Variants in NAV2 observed in about 807,000 individuals in gnomAD.
The protein encoded by NAV2 is neuron navigator 2.
A neutral mutation model predicts 223.2 loss-of-function variants in NAV2; 54 were observed. The ratio of observed to expected loss-of-function variants is 0.24; its 90% CI spans 0.19 to 0.30. The LOEUF (loss-of-function observed/expected upper bound fraction) is 0.30, where lower values mean the gene tolerates loss of function less well. NAV2 is among the 10% of genes least tolerant of loss of function. The pLI is 1.00. For synonymous variants in NAV2, 1,279 were observed against 1,239.3 expected, an observed-to-expected ratio of 1.03 and a Z score of -0.67; for missense variants, 2,806 against 3,147.5, an observed-to-expected ratio of 0.89 and a Z score of 2.60.
intron 6 of NAV2, among the ~76,000 whole-genome samples, chr11:19,906,522 G>T (rs1294268249): frequency 6.6e-6 from 1 of 152,152 alleles, no homozygotes; most frequent in Non-Finnish European, 1.5e-5. Context: ...CAGTTGTCAA[G>T]GTAATAGTCT....
At chr11:20,062,261 C>T (rs1431565959) in intron 19 of NAV2, 46 bp from the exon 20 acceptor site, 1 of 1,469,176 alleles carries the variant, frequency 6.8e-7, no homozygotes, top group Non-Finnish European at 9.4e-7. Flanking sequence ...CTTTTTGGTT[C>T]CATAACAGCC....
chr11:19,569,003 G>A (rs1358353059), intron 1 of NAV2, among the ~76,000 whole-genome samples: 3 of 152,196 alleles, frequency 2.0e-5, no homozygotes, highest in Non-Finnish European at 4.4e-5. Flanking sequence ...CAGAATGCTT[G>A]GGCCCAGCAC....
chr11:19,466,504 T>C (rs994858841), intron 1 of NAV2, among the ~76,000 whole-genome samples: 1 of 152,240 alleles, frequency 6.6e-6, no homozygotes, highest in Non-Finnish European at 1.5e-5. Flanking sequence ...TGAGCCTTTC[T>C]TGGAAATTGT....
intron 1 of NAV2, among the ~76,000 whole-genome samples, chr11:19,516,933 G>A (rs2043471925): frequency 6.6e-6 from 1 of 152,084 alleles, no homozygotes; most frequent in Non-Finnish European, 1.5e-5. Context: ...ATTTCACCTG[G>A]GCATGGTGGC....
At chr11:20,044,880 C>T in intron 13 of NAV2, 88 bp from the exon 14 acceptor site, 1 of 1,103,460 alleles carries the variant, frequency 9.1e-7, no homozygotes, top group Non-Finnish European at 1.3e-6. Context: ...AGTGAACCAG[C>T]TCTTCAGAGG....
chr11:19,771,981 G>C (rs1368725726), intron 1 of NAV2, among the ~76,000 whole-genome samples: 1 of 152,166 alleles, frequency 6.6e-6, no homozygotes, highest in Non-Finnish European at 1.5e-5. Context: ...GTGGAGGGGA[G>C]ACGGCACCTC....
chr11:20,011,032 G>A (rs61877357), intron 11 of NAV2, among the ~76,000 whole-genome samples: 169 of 152,114 alleles, frequency 1.1e-3, no homozygotes, highest in Non-Finnish European at 2.2e-3. Context: ...CTTCCTCTCC[G>A]CAGGCCTGCC....
chr11:19,976,193 A>C (rs1467565331), intron 10 of NAV2, among the ~76,000 whole-genome samples: 1 of 152,112 alleles, frequency 6.6e-6, no homozygotes, highest in Non-Finnish European at 1.5e-5. Context: ...TGTGCACACA[A>C]ATCACCTGGG....
rs60729237 is a variant in NAV2 at position 19,977,898 on chromosome 11, G to C, written c.2646-6227G>C. On this transcript the variant is annotated intron_variant, in intron 10 of 37. Coordinates refer to ENST00000349880, the MANE Select transcript of NAV2 (RefSeq NM_145117.5). Reference sequence around the variant, plus strand: ...CGGCTCACTGCAACCTCTGCCTCCCGGGTTCAAGCAATTCTCCTGCTTCAG... The same window carrying C: ...CGGCTCACTGCAACCTCTGCCTCCCCGGTTCAAGCAATTCTCCTGCTTCAG... Among the ~76,000 whole-genome samples the C allele has an allele frequency of 5.4e-3, 802 of 148,134 alleles. 6 individuals carry two copies. Among genetic ancestry groups the C allele is most frequent in the African/African-American group, 0.019 (765 of 39,970 alleles).
At position 19,977,798 on chromosome 11, in the gene NAV2, C is replaced by CTTT. The variant is rs1221334182; in HGVS notation, c.2646-6306_2646-6304dup. 2.5e-3 allele frequency among the ~76,000 whole-genome samples: 231 copies of CTTT among 90,744 alleles called. 1 individual carries two copies. Among genetic ancestry groups the CTTT allele is most frequent in the African/African-American group, 4.5e-3 (108 of 23,974 alleles). The allele number at this position is 90,744 out of a possible 152,430, so 59.5% of individuals were successfully genotyped here. A position where few individuals can be genotyped will look rare whatever the true frequency, so the allele number is the denominator to read the frequency against. On this transcript the variant is annotated intron_variant, in intron 10 of 37. Coordinates refer to ENST00000349880, the MANE Select transcript of NAV2 (RefSeq NM_145117.5). Reference sequence around the variant, plus strand: ...TCTTTTCAGAGAGGTCAACTTTTTTCTTTTTTTTTTTTTTTTTTTTTTTGA... The same window carrying CTTT: ...TCTTTTCAGAGAGGTCAACTTTTTTCTTTTTTTTTTTTTTTTTTTTTTTTTTGA...
chr11:20,100,173 A>T (rs916830990), intron 31 of NAV2, among the ~76,000 whole-genome samples: 2 of 152,214 alleles, frequency 1.3e-5, no homozygotes, highest in Non-Finnish European at 2.9e-5. Context: ...CTAACCTTGG[A>T]TGGATCTTCT....
chr11:19,910,908 A>T (rs1164135612), intron 6 of NAV2, among the ~76,000 whole-genome samples: 1 of 152,082 alleles, frequency 6.6e-6, no homozygotes, highest in Non-Finnish European at 1.5e-5. Flanking sequence ...TAAAAATATC[A>T]TGATAATTTG....
At chr11:19,846,640 C>T (rs1320327008) in intron 3 of NAV2, among the ~76,000 whole-genome samples, 3 of 152,250 alleles carry the variant, frequency 2.0e-5, no homozygotes, top group Admixed American at 1.3e-4. Context: ...GAGCCCATCA[C>T]ACATTCAGTC....
intron 12 of NAV2, among the ~76,000 whole-genome samples, chr11:20,042,577 G>A (rs541662136): frequency 6.6e-6 from 1 of 152,308 alleles, no homozygotes; most frequent in South Asian, 2.1e-4. Context: ...AAGGGGTTGG[G>A]GTGGTGTTGG....
At chr11:19,862,139 A>G (rs910731777) in intron 3 of NAV2, among the ~76,000 whole-genome samples, 6 of 152,274 alleles carry the variant, frequency 3.9e-5, no homozygotes, top group African/African-American at 1.4e-4. Flanking sequence ...TTTTTTCTCT[A>G]GAGATAATTT....
chr11:19,928,974 G>T (rs1165261684), intron 6 of NAV2, among the ~76,000 whole-genome samples: 3 of 152,098 alleles, frequency 2.0e-5, no homozygotes, highest in Non-Finnish European at 4.4e-5. Context: ...GACAAAGAAG[G>T]CCAGGCGCGG....
intron 1 of NAV2, among the ~76,000 whole-genome samples, chr11:19,524,635 T>G (rs2043787741): frequency 6.6e-6 from 1 of 151,462 alleles, no homozygotes; most frequent in Non-Finnish European, 1.5e-5. Context: ...GGTGGGGGGC[T>G]GGGCCTAAAA....
chr11:19,460,093 C>T (rs1852100530), intron 1 of NAV2, among the ~76,000 whole-genome samples: 1 of 152,196 alleles, frequency 6.6e-6, no homozygotes, highest in Non-Finnish European at 1.5e-5. Context: ...GGATAATAAC[C>T]TGAAAGGAAT....
At chr11:19,859,449 G>C (rs2061566079) in intron 3 of NAV2, among the ~76,000 whole-genome samples, 1 of 147,342 alleles carries the variant, frequency 6.8e-6, no homozygotes, top group African/African-American at 2.5e-5. Flanking sequence ...CAGAGCACAG[G>C]GTTGGGGGTA....
Sources: allele counts gnomAD v4.1 joint callset (sites outside exome capture counted in the v4.1 genomes callset), GRCh38; gene constraint gnomAD v4.1.1; transcripts MANE v1.5; gene names NCBI Gene and HGNC (gene_info 2026-07-23, HGNC 2026-07-21).